Variants in PSD3 observed in about 807,000 individuals in gnomAD.
PSD3 encodes the protein PH and SEC7 domain-containing protein 3.
In PSD3, 49 loss-of-function variants were observed where a neutral mutation model predicts 105.5. That is an observed-to-expected ratio of 0.46 (90% confidence interval 0.37 to 0.59). The LOEUF (loss-of-function observed/expected upper bound fraction) is 0.59, where lower values mean the gene tolerates loss of function less well. Among genes scored for constraint, PSD3 ranks in the 20% least tolerant of loss-of-function variants. The pLI, the probability that PSD3 is intolerant of heterozygous loss-of-function variation, is 0.00. For missense variants in PSD3, 1,561 were observed against 1,263.8 expected (o/e 1.24, Z -3.57); for synonymous variants, 557 against 457.8 (o/e 1.22, Z -2.77).
At chr8:18,600,329 G>T in intron 12 of PSD3, 35 bp downstream of exon 12, 1 of 1,540,814 alleles carries the variant, frequency 6.5e-7, no homozygotes, top group South Asian at 1.1e-5. Flanking sequence ...TTATTTCATC[G>T]AGTTTTGTGG....
intron 2 of PSD3, among the ~76,000 whole-genome samples, chr8:18,874,897 A>C (rs1165974898): frequency 6.6e-6 from 1 of 152,088 alleles, no homozygotes; most frequent in Non-Finnish European, 1.5e-5. Flanking sequence ...CATGTTGTAA[A>C]ATAATTTGAA....
At chr8:18,772,783 T>C (rs1477743501) in intron 8 of PSD3, among the ~76,000 whole-genome samples, 3 of 152,208 alleles carry the variant, frequency 2.0e-5, no homozygotes, top group Non-Finnish European at 4.4e-5. Context: ...GTGCTGGGAT[T>C]ACAGGCATGA....
At chr8:18,815,163 C>T (rs1488830315) in intron 4 of PSD3, among the ~76,000 whole-genome samples, 2 of 152,306 alleles carry the variant, frequency 1.3e-5, no homozygotes, top group East Asian at 3.9e-4. Flanking sequence ...GTTCTGGCCT[C>T]CCATTGCTCC....
At chr8:18,723,620 T>C (rs767970274) in intron 9 of PSD3, among the ~76,000 whole-genome samples, 1 of 152,178 alleles carries the variant, frequency 6.6e-6, no homozygotes, top group Admixed American at 6.5e-5. Context: ...TCCAGTACCA[T>C]CTCTCCCGAG....
intron 4 of PSD3, chr8:18,849,269 C>T (rs1243445134): frequency 6.6e-6 from 1 of 152,194 alleles, no homozygotes; most frequent in African/African-American, 2.4e-5. Flanking sequence ...ATTACTCATT[C>T]ATTGATCTTC....
At chr8:19,075,546 T>A (rs936322566) in intron 1 of PSD3, among the ~76,000 whole-genome samples, 2 of 152,252 alleles carry the variant, frequency 1.3e-5, no homozygotes, top group South Asian at 4.1e-4. Flanking sequence ...CCTCTTTACA[T>A]TCTTTCAATT....
intron 2 of PSD3, among the ~76,000 whole-genome samples, chr8:18,931,165 G>A (rs1480868192): frequency 1.3e-5 from 2 of 151,322 alleles, no homozygotes; most frequent in Admixed American, 6.6e-5. Flanking sequence ...TCATTGAGAT[G>A]TAAGAGCTCT....
intron 9 of PSD3, among the ~76,000 whole-genome samples, chr8:18,683,532 G>A (rs562800584): frequency 2.0e-5 from 3 of 152,306 alleles, no homozygotes; most frequent in East Asian, 1.9e-4. Context: ...TTTTGAGCAC[G>A]GCTTTCGCCC....
chr8:18,655,126 A>G (rs966113132), intron 10 of PSD3, among the ~76,000 whole-genome samples: 3 of 151,890 alleles, frequency 2.0e-5, no homozygotes, highest in African/African-American at 7.3e-5. Context: ...GATCGAGACC[A>G]TCCTGGCTAA....
chr8:18,706,472 C>G (rs1048498104), intron 9 of PSD3, among the ~76,000 whole-genome samples: 1 of 152,200 alleles, frequency 6.6e-6, no homozygotes, highest in Non-Finnish European at 1.5e-5. Flanking sequence ...TCTAACTTGA[C>G]TGAGTCATTT....
chr8:18,970,753 G>A (rs576348202), intron 1 of PSD3, among the ~76,000 whole-genome samples: 48 of 152,134 alleles, frequency 3.2e-4, no homozygotes, highest in African/African-American at 1.0e-3. Flanking sequence ...TTAGGACTTC[G>A]AGACCAGCCT....
intron 9 of PSD3, among the ~76,000 whole-genome samples, chr8:18,713,342 G>C (rs1802374121): frequency 6.6e-6 from 1 of 152,114 alleles, no homozygotes; most frequent in African/African-American, 2.4e-5. Context: ...AAGTCAAATT[G>C]TCTTTGTTTG....
At chr8:18,572,777 T>C (rs1802222290) in intron 13 of PSD3, 105 bp from the exon 14 acceptor site, 1 of 1,285,532 alleles carries the variant, frequency 7.8e-7, no homozygotes, top group Non-Finnish European at 1.1e-6. Context: ...GAAAATCATT[T>C]ACTCCTCCTG....
chr8:19,034,714 T>C (rs374243349), intron 1 of PSD3, among the ~76,000 whole-genome samples: 3 of 152,236 alleles, frequency 2.0e-5, no homozygotes, highest in African/African-American at 7.2e-5. Context: ...TTGGGCCCAG[T>C]CTTTTTGACT....
At chr8:18,916,349 T>TATATATATACACACAC (rs1563416971) in intron 2 of PSD3, among the ~76,000 whole-genome samples, 2 of 44,712 alleles carry the variant, frequency 4.5e-5, no homozygotes. Context: ...TATATATATA[T>TATATATATACACACAC]ACACACACAC....
At chr8:18,782,391 T>G (rs1376657572) in intron 8 of PSD3, among the ~76,000 whole-genome samples, 2 of 152,172 alleles carry the variant, frequency 1.3e-5, no homozygotes, top group Non-Finnish European at 2.9e-5. Context: ...GCTTTGATTC[T>G]GGGTGGGAGA....
Position 18,530,149 on chromosome 8 carries a change from A to C in PSD3, c.*5594T>G, listed in dbSNP as rs1386176170. 1 of 152,630 alleles carries C rather than the reference A, an allele frequency of 6.6e-6. No homozygotes were observed. Among genetic ancestry groups the C allele is most frequent in the Non-Finnish European group, 1.5e-5 (1 of 68,042 alleles). 9.5% of individuals were successfully genotyped at this position (152,630 alleles called of 1,614,324 possible). On this transcript the variant is annotated 3_prime_UTR_variant, in exon 16 of 16. Coordinates refer to ENST00000327040, the MANE Select transcript of PSD3 (RefSeq NM_015310.4). ...CTCAGCCACTCACTCAAACACACTC[A>C]GTCACTGCTTTAAATATACCAAACA...
chr8:18,708,979 A>ATC (rs1271161692), intron 9 of PSD3, among the ~76,000 whole-genome samples: 1 of 152,160 alleles, frequency 6.6e-6, no homozygotes, highest in African/African-American at 2.4e-5. Context: ...CAACCTGCGG[A>ATC]TCAGGAGATC....
At chr8:19,018,878 C>T (rs1827264779) in intron 1 of PSD3, among the ~76,000 whole-genome samples, 1 of 152,126 alleles carries the variant, frequency 6.6e-6, no homozygotes, top group Non-Finnish European at 1.5e-5. Context: ...CTCACTGCAG[C>T]CTCCGCCTCC....
Sources: gnomAD v4.1 joint callset for allele counts (sites outside exome capture counted in the v4.1 genomes callset) on GRCh38, gnomAD v4.1.1 for gene constraint, MANE v1.5 for transcripts, NCBI Gene and HGNC (gene_info 2026-07-23, HGNC 2026-07-21) for gene names.